The following ARHGAP24 variants were observed in gnomAD, a reference collection of about 807,000 sequenced individuals.
ARHGAP24 encodes rho GTPase-activating protein 24.
In ARHGAP24, 50 loss-of-function variants were observed where a neutral mutation model predicts 76.4. The ratio of observed to expected loss-of-function variants is 0.65; its 90% CI spans 0.52 to 0.83. ARHGAP24 has a LOEUF of 0.83. ARHGAP24 is among the 40% of genes least tolerant of loss of function. The pLI is 0.00. For missense variants in ARHGAP24, 930 were observed against 914.2 expected (o/e 1.02, Z -0.22); for synonymous variants, 345 against 323.3 (o/e 1.07, Z -0.72).
intron 1 of ARHGAP24, among the ~76,000 whole-genome samples, chr4:85,504,164 G>A (rs561370361): frequency 6.6e-6 from 1 of 152,308 alleles, no homozygotes; most frequent in Non-Finnish European, 1.5e-5. Flanking sequence ...GAATAAGTGC[G>A]ATGTGGTGCT....
At chr4:85,480,250 C>T (rs990932105) in intron 1 of ARHGAP24, among the ~76,000 whole-genome samples, 14 of 152,150 alleles carry the variant, frequency 9.2e-5, no homozygotes, top group African/African-American at 3.4e-4. Flanking sequence ...ATAAGGATTT[C>T]CATGATAAAT....
At chr4:85,804,240 G>T (rs1045539970) in intron 3 of ARHGAP24, among the ~76,000 whole-genome samples, 1 of 152,134 alleles carries the variant, frequency 6.6e-6, no homozygotes, top group Non-Finnish European at 1.5e-5. Flanking sequence ...TGATAAAAAA[G>T]CTTGGACCAA....
chr4:85,906,343 G>T (rs1448344281), intron 3 of ARHGAP24, among the ~76,000 whole-genome samples: 1 of 152,122 alleles, frequency 6.6e-6, no homozygotes, highest in East Asian at 1.9e-4. Flanking sequence ...ACTGGGTTGA[G>T]AAAGAAGGTA....
At chr4:85,878,365 T>G (rs1733051122) in intron 3 of ARHGAP24, among the ~76,000 whole-genome samples, 1 of 152,188 alleles carries the variant, frequency 6.6e-6, no homozygotes, top group African/African-American at 2.4e-5. Context: ...TTTTCAGAAA[T>G]GTAGCCACTA....
intron 2 of ARHGAP24, among the ~76,000 whole-genome samples, chr4:85,646,383 C>T (rs1262362588): frequency 6.6e-6 from 1 of 152,004 alleles, no homozygotes; most frequent in Non-Finnish European, 1.5e-5. Context: ...TGTGGTATTA[C>T]TCTTTGGTTT....
At chr4:85,938,434 T>C in intron 4 of ARHGAP24, among the ~76,000 whole-genome samples, 1 of 152,212 alleles carries the variant, frequency 6.6e-6, no homozygotes, top group Admixed American at 6.5e-5. Flanking sequence ...TAATTTAAAA[T>C]TTAAAGTTTC....
intron 4 of ARHGAP24, among the ~76,000 whole-genome samples, chr4:85,924,945 C>T (rs542882717): frequency 6.2e-4 from 94 of 152,280 alleles, no homozygotes; most frequent in African/African-American, 2.0e-3. Flanking sequence ...GTTTGTGCTA[C>T]CTTTCATTCC....
At chr4:85,619,956 T>G (rs1286697789) in intron 2 of ARHGAP24, among the ~76,000 whole-genome samples, 1 of 151,972 alleles carries the variant, frequency 6.6e-6, no homozygotes, top group African/African-American at 2.4e-5. Flanking sequence ...TTAATATATT[T>G]ATTACATTTA....
intron 2 of ARHGAP24, among the ~76,000 whole-genome samples, chr4:85,625,195 T>C (rs977256207): frequency 2.0e-5 from 3 of 152,226 alleles, no homozygotes; most frequent in African/African-American, 7.2e-5. Context: ...TCCTGCTTTC[T>C]CTTGTGGGCA....
intron 3 of ARHGAP24, among the ~76,000 whole-genome samples, chr4:85,845,202 C>G (rs1200215485): frequency 6.6e-6 from 1 of 152,102 alleles, no homozygotes; most frequent in East Asian, 1.9e-4. Context: ...ATCGTTATTA[C>G]TCATGATAAT....
intron 4 of ARHGAP24, among the ~76,000 whole-genome samples, chr4:85,927,819 G>A (rs1296764255): frequency 6.6e-6 from 1 of 152,126 alleles, no homozygotes; most frequent in Non-Finnish European, 1.5e-5. Context: ...CTTTATTCAG[G>A]TTGCACATAT....
chr4:85,651,299 G>A (rs544019883), intron 2 of ARHGAP24, among the ~76,000 whole-genome samples: 1 of 149,272 alleles, frequency 6.7e-6, no homozygotes, highest in South Asian at 2.1e-4. Context: ...CATAGATTTG[G>A]GGGTGTTGTA....
At chr4:85,539,573 ATTTTGCTTTTTAGGC>A (rs1349764880) in intron 1 of ARHGAP24, among the ~76,000 whole-genome samples, 1 of 152,168 alleles carries the variant, frequency 6.6e-6, no homozygotes, top group Non-Finnish European at 1.5e-5. Flanking sequence ...ATAAACTGTA[ATTTTGCTTTTTAGGC>A]TTTTCTAGGC....
chr4:85,493,416 C>T (rs576808973), intron 1 of ARHGAP24, among the ~76,000 whole-genome samples: 15 of 152,336 alleles, frequency 9.8e-5, no homozygotes, highest in East Asian at 5.8e-4. Context: ...AATTCTTCTA[C>T]GCGGAAGTTT....
intron 1 of ARHGAP24, among the ~76,000 whole-genome samples, chr4:85,567,282 A>G (rs932588066): frequency 6.6e-6 from 1 of 152,322 alleles, no homozygotes; most frequent in African/African-American, 2.4e-5. Flanking sequence ...GGAAGCAGTG[A>G]GACTCCTTGG....
intron 2 of ARHGAP24, among the ~76,000 whole-genome samples, chr4:85,714,980 A>G (rs1724680683): frequency 6.6e-6 from 1 of 152,154 alleles, no homozygotes; most frequent in Non-Finnish European, 1.5e-5. Flanking sequence ...ACAAATATGT[A>G]TTAAGAATTT....
At chr4:85,535,508 T>A (rs1725433641) in intron 1 of ARHGAP24, among the ~76,000 whole-genome samples, 2 of 152,208 alleles carry the variant, frequency 1.3e-5, no homozygotes, top group South Asian at 4.1e-4. Flanking sequence ...CATTTGTCAA[T>A]TCTGGTGATG....
chr4:85,638,730 A>C (rs559850899), intron 2 of ARHGAP24, among the ~76,000 whole-genome samples: 2 of 152,302 alleles, frequency 1.3e-5, no homozygotes, highest in African/African-American at 2.4e-5. Context: ...AGAGTATACT[A>C]TCATGGGTAG....
At chr4:85,927,995 T>A (rs775271953) in intron 4 of ARHGAP24, among the ~76,000 whole-genome samples, 1 of 152,094 alleles carries the variant, frequency 6.6e-6, no homozygotes, top group Admixed American at 6.6e-5. Flanking sequence ...TTCCTTCAAA[T>A]GAAAATGAAT....
Sources: gnomAD v4.1 joint callset for allele counts (sites outside exome capture counted in the v4.1 genomes callset) on GRCh38, gnomAD v4.1.1 for gene constraint, MANE v1.5 for transcripts, NCBI Gene and HGNC (gene_info 2026-07-23, HGNC 2026-07-21) for gene names.